The following KIAA1328 variants were observed in gnomAD, a reference collection of about 807,000 sequenced individuals.
KIAA1328 encodes the protein protein hinderin.
Under a neutral mutation model 68.1 loss-of-function variants are expected in KIAA1328, and 52 were observed. That is an observed-to-expected ratio of 0.76 (90% CI 0.61 to 0.96). The LOEUF (loss-of-function observed/expected upper bound fraction) is 0.96. Among genes scored for constraint, KIAA1328 ranks in the 40% least tolerant of loss-of-function variants. KIAA1328 has a pLI of 0.00. For synonymous variants in KIAA1328, 232 were observed against 239.4 expected (o/e 0.97, Z 0.28); for missense variants, 641 against 677.6 (o/e 0.95, Z 0.60).
At chr18:36,939,083 T>C (rs538447479) in intron 5 of KIAA1328, among the ~76,000 whole-genome samples, 2 of 152,244 alleles carry the variant, frequency 1.3e-5, no homozygotes, top group African/African-American at 4.8e-5. Flanking sequence ...GGGTCTTTTG[T>C]AGTACAGATT....
intron 7 of KIAA1328, among the ~76,000 whole-genome samples, chr18:37,096,114 C>T (rs2057398131): frequency 6.6e-6 from 1 of 151,766 alleles, no homozygotes; most frequent in African/African-American, 2.4e-5. Context: ...TTTTAGCGTA[C>T]ATGTGCACAA....
At chr18:36,936,086 C>A (rs2050488531) in intron 5 of KIAA1328, among the ~76,000 whole-genome samples, 2 of 152,024 alleles carry the variant, frequency 1.3e-5, no homozygotes, top group African/African-American at 4.8e-5. Flanking sequence ...CAAATATGCC[C>A]TAGGCATGTG....
intron 7 of KIAA1328, among the ~76,000 whole-genome samples, chr18:37,134,295 G>A (rs2058593008): frequency 6.6e-6 from 1 of 152,162 alleles, no homozygotes; most frequent in African/African-American, 2.4e-5. Context: ...ACAGGCGTGA[G>A]CCACTGCGCC....
intron 4 of KIAA1328, among the ~76,000 whole-genome samples, chr18:36,853,296 C>T (rs1451765207): frequency 6.6e-6 from 1 of 152,154 alleles, no homozygotes; most frequent in African/African-American, 2.4e-5. Flanking sequence ...ATGAGTATAA[C>T]ACATTTACAT....
chr18:37,063,608 A>G (rs2056235144), intron 6 of KIAA1328: 1 of 984,588 alleles, frequency 1.0e-6, no homozygotes, highest in Non-Finnish European at 1.2e-6. Context: ...AATTCTGCCT[A>G]TTACACATGC....
At chr18:36,951,456 A>G (rs1300892750) in intron 5 of KIAA1328, among the ~76,000 whole-genome samples, 2 of 152,180 alleles carry the variant, frequency 1.3e-5, no homozygotes, top group African/African-American at 4.8e-5. Flanking sequence ...TATTTGTTGA[A>G]TGAATGAATG....
At chr18:37,174,030 C>T (rs955962922) in intron 9 of KIAA1328, among the ~76,000 whole-genome samples, 1 of 152,154 alleles carries the variant, frequency 6.6e-6, no homozygotes, top group Non-Finnish European at 1.5e-5. Flanking sequence ...TGAGAAATGA[C>T]TCCAACACAA....
At chr18:36,996,835 G>A (rs2053410820) in intron 6 of KIAA1328, among the ~76,000 whole-genome samples, 1 of 152,146 alleles carries the variant, frequency 6.6e-6, no homozygotes, top group African/African-American at 2.4e-5. Flanking sequence ...ATATTAGGAG[G>A]CTGAAGTTAG....
rs1203474089 is a variant in KIAA1328, at chr18:37,107,692, A to G, written c.1232+40147A>G. Among the ~76,000 whole-genome samples the G allele has an allele frequency of 2.6e-5, 4 of 152,168 alleles. No homozygotes were observed. The East Asian group carries it at 7.7e-4, about 29-fold the overall frequency. ...TTGTTGGTATATAGAAATGGCACTA[A>G]TATTTGCACATGGATTTGTGTATCC... On this transcript the variant is annotated intron_variant, in intron 7 of 9. Coordinates refer to ENST00000280020, the MANE Select transcript of KIAA1328 (RefSeq NM_020776.3).
intron 6 of KIAA1328, among the ~76,000 whole-genome samples, chr18:36,978,357 C>T (rs901929519): frequency 6.6e-6 from 1 of 152,112 alleles, no homozygotes; most frequent in African/African-American, 2.4e-5. Flanking sequence ...TCAGCATGAA[C>T]CAAGTTGTTT....
chr18:37,000,495 A>C (rs2053547775), intron 6 of KIAA1328, among the ~76,000 whole-genome samples: 1 of 152,152 alleles, frequency 6.6e-6, no homozygotes, highest in Admixed American at 6.5e-5. Context: ...TGGCCTTTAG[A>C]TCATGTGGAC....
chr18:37,077,308 A>T (rs1368403186), intron 7 of KIAA1328, among the ~76,000 whole-genome samples: 2 of 133,740 alleles, frequency 1.5e-5, no homozygotes, highest in African/African-American at 7.4e-5. Context: ...AAACTCAATA[A>T]ATTAGGTATT....
chr18:37,231,871 T>C (rs2060665340), downstream of KIAA1328: 1 of 152,300 alleles, frequency 6.6e-6, no homozygotes, highest in African/African-American at 2.4e-5. Context: ...GCCAGTCCCA[T>C]GCTGAGATGA....
chr18:37,184,832 T>C (rs996520650), intron 9 of KIAA1328, among the ~76,000 whole-genome samples: 2 of 152,150 alleles, frequency 1.3e-5, no homozygotes, highest in South Asian at 2.1e-4. Flanking sequence ...AATTAAATGA[T>C]TGATTTCAGA....
chr18:36,971,523 G>A (rs2151321104), intron 6 of KIAA1328, among the ~76,000 whole-genome samples: 1 of 152,254 alleles, frequency 6.6e-6, no homozygotes, highest in East Asian at 1.9e-4. Context: ...CAGCTACTTG[G>A]GAGACTGAGG....
At chr18:36,864,359 T>C (rs1190731092) in intron 4 of KIAA1328, among the ~76,000 whole-genome samples, 1 of 150,906 alleles carries the variant, frequency 6.6e-6, no homozygotes, top group Non-Finnish European at 1.5e-5. Flanking sequence ...TGGAGTGCAG[T>C]GGCACAATCT....
chr18:37,026,606 G>C (rs1025876798), intron 6 of KIAA1328, among the ~76,000 whole-genome samples: 3 of 152,162 alleles, frequency 2.0e-5, no homozygotes, highest in Non-Finnish European at 4.4e-5. Context: ...TGTATAAATA[G>C]AACCAAAGAC....
At chr18:36,893,686 G>A (rs886307079) in intron 5 of KIAA1328, among the ~76,000 whole-genome samples, 1 of 152,062 alleles carries the variant, frequency 6.6e-6, no homozygotes, top group African/African-American at 2.4e-5. Context: ...ACTATTTGGT[G>A]TCTAGTTTTA....
chr18:37,025,392 C>T (rs2054529645), intron 6 of KIAA1328, among the ~76,000 whole-genome samples: 1 of 152,192 alleles, frequency 6.6e-6, no homozygotes, highest in Admixed American at 6.6e-5. Flanking sequence ...ATATACAGAA[C>T]TCTCCACCCC....
Sources: allele counts gnomAD v4.1 joint callset (sites outside exome capture counted in the v4.1 genomes callset), GRCh38; gene constraint gnomAD v4.1.1; transcripts MANE v1.5; gene names NCBI Gene and HGNC (gene_info 2026-07-23, HGNC 2026-07-21).